WFDC8: variants seen among roughly 807,000 people sequenced by gnomAD.
WFDC8 encodes WAP four-disulfide core domain 8, also known as WAP four-disulfide core domain protein 8.
In WFDC8, 24 loss-of-function variants were observed where a neutral mutation model predicts 27.0. The ratio of observed to expected loss-of-function variants is 0.89; its 90% confidence interval spans 0.64 to 1.25. The LOEUF is 1.25. WFDC8 is among the 50% of genes most tolerant of loss of function. The pLI is 0.00. For missense variants in WFDC8, 287 were observed against 295.9 expected, an observed-to-expected ratio of 0.97 and a Z score of 0.22; for synonymous variants, 106 against 99.7, an observed-to-expected ratio of 1.06 and a Z score of -0.38.
intron 4 of WFDC8, among the ~76,000 whole-genome samples, chr20:45,553,660 T>C (rs1980130003): frequency 6.6e-6 from 1 of 152,176 alleles, no homozygotes; most frequent in East Asian, 1.9e-4. Flanking sequence ...GCCTGACTCA[T>C]GTTTTGAAAG....
intron 5 of WFDC8, among the ~76,000 whole-genome samples, chr20:45,552,571 G>T (rs561151874): frequency 6.6e-6 from 1 of 152,332 alleles, no homozygotes; most frequent in South Asian, 2.1e-4. Flanking sequence ...AAAAGTTGAA[G>T]TAGGTTGAAA....
rs1980229034 is a variant in WFDC8, at chr20:45,555,873, G to A, written c.278-5C>T. 1 of 1,613,060 alleles carries A rather than the reference G, an allele frequency of 6.2e-7. No homozygotes were observed. On this transcript the variant is annotated splice_region_variant and splice_polypyrimidine_tract_variant and intron_variant, in intron 3 of 5. Coordinates refer to ENST00000289953, the MANE Select transcript of WFDC8 (RefSeq NM_130896.3). ...TCACAGGTAGCATGCAGGGTTCTGA[G>A]GTCAGGAAGCAAGGAAAGAAGGATA...
At chr20:45,564,893 T>G (rs1409555242) in intron 1 of WFDC8, among the ~76,000 whole-genome samples, 6 of 121,644 alleles carry the variant, frequency 4.9e-5, no homozygotes, top group Non-Finnish European at 6.6e-5. Flanking sequence ...GAGAAGAGAA[T>G]AGGGGAGAGG....
At chr20:45,558,755 C>G in intron 3 of WFDC8, 97 bp downstream of exon 3, 1 of 1,484,544 alleles carries the variant, frequency 6.7e-7, no homozygotes, top group Non-Finnish European at 9.2e-7. Flanking sequence ...AGAGCACAGG[C>G]CCTGGGTCCT....
intron 4 of WFDC8, among the ~76,000 whole-genome samples, chr20:45,555,413 C>G (rs565641350): frequency 6.6e-6 from 1 of 152,300 alleles, no homozygotes; most frequent in Admixed American, 6.5e-5. Flanking sequence ...AGGGGGCACA[C>G]CTGGCTTTCG....
intron 4 of WFDC8, among the ~76,000 whole-genome samples, chr20:45,554,395 A>G (rs1373082484): frequency 6.6e-6 from 1 of 152,124 alleles, no homozygotes; most frequent in Non-Finnish European, 1.5e-5. Context: ...TAGAGCAGAT[A>G]GTGGATTTTA....
intron 2 of WFDC8, 121 bp from the exon 3 acceptor site, chr20:45,559,113 G>C: frequency 1.6e-6 from 2 of 1,261,438 alleles, no homozygotes. Context: ...CTTAGTTCTT[G>C]CTCTGCTTAT....
chr20:45,561,739 CGTGTGTGTGTGTGT>C (rs10534885), intron 2 of WFDC8, among the ~76,000 whole-genome samples: 55 of 147,850 alleles, frequency 3.7e-4, no homozygotes, highest in Non-Finnish European at 6.0e-4. Flanking sequence ...ATTAAACTTG[CGTGTGTGTGTGTGT>C]GTGTGTGTGT....
At chr20:45,565,302 A>G (rs1980639915) in intron 1 of WFDC8, among the ~76,000 whole-genome samples, 1 of 152,156 alleles carries the variant, frequency 6.6e-6, no homozygotes, top group South Asian at 2.1e-4. Context: ...AAATGAGTGG[A>G]TTTGACTAGA....
At chr20:45,561,190 G>A (rs1980454993) in intron 2 of WFDC8, among the ~76,000 whole-genome samples, 1 of 152,064 alleles carries the variant, frequency 6.6e-6, no homozygotes, top group South Asian at 2.1e-4. Context: ...CATCTACTGG[G>A]GATGCTTCTC....
intron 1 of WFDC8, chr20:45,568,157 T>C: frequency 3.0e-6 from 1 of 331,100 alleles, no homozygotes. Flanking sequence ...AATTTCCAAC[T>C]GGTATACTGT....
At chr20:45,575,931 T>C (rs1296005410) in intron 1 of WFDC8, among the ~76,000 whole-genome samples, 2 of 151,326 alleles carry the variant, frequency 1.3e-5, no homozygotes, top group African/African-American at 4.8e-5. Flanking sequence ...TAGCCTCAGT[T>C]ACTAGGAAGC....
At chr20:45,555,160 A>C (rs1182018024) in intron 4 of WFDC8, among the ~76,000 whole-genome samples, 1 of 152,230 alleles carries the variant, frequency 6.6e-6, no homozygotes, top group South Asian at 2.1e-4. Flanking sequence ...GAAAAGTCAG[A>C]TTTAAATTCA....
Position 45,562,221 on chromosome 20 carries a change from T to C in WFDC8, c.27-2A>G. ...GTGGGGCTATGGAGAGGAAAGTGCCTGTATGGATGAGAAGAGAGGTGGGAG... is the reference window on the plus strand; with the variant it reads ...GTGGGGCTATGGAGAGGAAAGTGCCCGTATGGATGAGAAGAGAGGTGGGAG... On this transcript the variant is annotated splice_acceptor_variant, in intron 1 of 5. Transcript: ENST00000289953. LOFTEE classifies it high-confidence loss of function. The C allele has an allele frequency of 2.5e-6, 4 of 1,612,758 alleles. No homozygotes were observed. Among genetic ancestry groups the C allele is most frequent in the Non-Finnish European group, 3.4e-6 (4 of 1,178,824 alleles).
chr20:45,572,756 G>A (rs1477793762), intron 1 of WFDC8, among the ~76,000 whole-genome samples: 1 of 152,114 alleles, frequency 6.6e-6, no homozygotes, highest in Admixed American at 6.5e-5. Context: ...ACAGGCATGC[G>A]CCATCATGCC....
intron 1 of WFDC8, among the ~76,000 whole-genome samples, chr20:45,563,221 AT>A (rs1980533392): frequency 6.6e-6 from 1 of 152,202 alleles, no homozygotes; most frequent in African/African-American, 2.4e-5. Flanking sequence ...GACCCCAAAC[AT>A]AGTGATCTTG....
intron 2 of WFDC8, 106 bp from the exon 3 acceptor site, chr20:45,559,098 C>T (rs911269037): frequency 7.1e-6 from 10 of 1,405,856 alleles, no homozygotes; most frequent in Non-Finnish European, 8.8e-6. Flanking sequence ...CCTCTACCTT[C>T]GATTCTTAGT....
intron 3 of WFDC8, among the ~76,000 whole-genome samples, chr20:45,556,502 T>C (rs554964947): frequency 1.3e-5 from 2 of 152,212 alleles, no homozygotes; most frequent in African/African-American, 4.8e-5. Context: ...GCAGTGGTGG[T>C]TCAAGAAGTT....
intron 1 of WFDC8, among the ~76,000 whole-genome samples, chr20:45,577,215 T>C (rs1568643492): frequency 1.3e-5 from 2 of 151,178 alleles, no homozygotes; most frequent in Non-Finnish European, 3.0e-5. Context: ...TTTTTGTTGG[T>C]GAGTTTGCTG....
Sources: allele counts gnomAD v4.1 joint callset (sites outside exome capture counted in the v4.1 genomes callset), GRCh38; gene constraint gnomAD v4.1.1; transcripts MANE v1.5; gene names NCBI Gene and HGNC (gene_info 2026-07-23, HGNC 2026-07-21).